The following HLCS variants were observed in gnomAD, a reference collection of about 807,000 sequenced individuals.
The protein encoded by HLCS is holocarboxylase synthetase.
HLCS carries 53 observed loss-of-function variants against 75.0 expected under a neutral mutation model. That is an observed-to-expected ratio of 0.71 (90% CI 0.57 to 0.89). The LOEUF (loss-of-function observed/expected upper bound fraction) is 0.89, where lower values mean the gene tolerates loss of function less well. Among genes scored for constraint, HLCS ranks in the 40% least tolerant of loss-of-function variants. The pLI is 0.00. For synonymous variants in HLCS, 431 were observed against 428.6 expected (o/e 1.01, Z -0.07); for missense variants, 966 against 1,074.0 (o/e 0.90, Z 1.41).
intron 5 of HLCS, among the ~76,000 whole-genome samples, chr21:36,929,120 C>T (rs1293674769): frequency 1.3e-5 from 2 of 152,218 alleles, no homozygotes; most frequent in Non-Finnish European, 2.9e-5. Flanking sequence ...AGAGAATAAC[C>T]TGGGGCAGGG....
intron 2 of HLCS, among the ~76,000 whole-genome samples, chr21:36,957,101 G>A (rs941208119): frequency 1.4e-4 from 21 of 151,236 alleles, no homozygotes; most frequent in African/African-American, 5.1e-4. Flanking sequence ...GATAGAATCT[G>A]GAAGTTTGTC....
Position 36,962,041 on chromosome 21 carries a change from C to G in HLCS, c.325G>C (p.Glu109Gln), listed in dbSNP as rs2068323661. Residue 109 changes from glutamate to glutamine, a missense_variant, in exon 2 of 11, where the codon GAA becomes CAA. By Grantham distance (29) the Glu-to-Gln change is conservative. Transcript: ENST00000674895. ...SENLQRSSSS[E>Q]TIVKWSDCCL... Reference sequence around the variant, plus strand: ...CAAGTAAACATGGTACTCACTGTTTCTGAAGAGGATGATCTCTGTAAATTC... The same window carrying G: ...CAAGTAAACATGGTACTCACTGTTTGTGAAGAGGATGATCTCTGTAAATTC... 7.8e-7 allele frequency: 1 copy of G among 1,289,050 alleles called. No homozygotes were observed. Among genetic ancestry groups the G allele is most frequent in the Non-Finnish European group, 1.0e-6 (1 of 988,668 alleles). The allele number at this position is 1,289,050 out of a possible 1,614,324, so 79.9% of individuals were successfully genotyped here.
chr21:36,959,441 G>C (rs969583024), intron 2 of HLCS, among the ~76,000 whole-genome samples: 1 of 152,180 alleles, frequency 6.6e-6, no homozygotes, highest in African/African-American at 2.4e-5. Flanking sequence ...TGGGCACCTT[G>C]GACAACATGA....
intron 6 of HLCS, among the ~76,000 whole-genome samples, chr21:36,890,935 A>C (rs1185207338): frequency 6.6e-6 from 1 of 152,202 alleles, no homozygotes; most frequent in African/African-American, 2.4e-5. Context: ...TGAAAAACTG[A>C]AAGTACATGC....
At chr21:36,893,046 A>G (rs966688792) in intron 6 of HLCS, among the ~76,000 whole-genome samples, 1 of 152,132 alleles carries the variant, frequency 6.6e-6, no homozygotes, top group Admixed American at 6.5e-5. Flanking sequence ...AAGTGCTGCA[A>G]TTACAGGCAT....
At chr21:36,890,718 C>G (rs1488125208) in intron 6 of HLCS, among the ~76,000 whole-genome samples, 1 of 152,108 alleles carries the variant, frequency 6.6e-6, no homozygotes, top group Admixed American at 6.5e-5. Context: ...ATACCACACC[C>G]TCAAAAATCT....
intron 6 of HLCS, among the ~76,000 whole-genome samples, chr21:36,841,044 T>C (rs2146094970): frequency 6.6e-6 from 1 of 152,302 alleles, no homozygotes; most frequent in South Asian, 2.1e-4. Flanking sequence ...TTATAGTATA[T>C]AAATTATACC....
chr21:36,829,830 G>A (rs1218880626), intron 6 of HLCS, among the ~76,000 whole-genome samples: 1 of 152,204 alleles, frequency 6.6e-6, no homozygotes, highest in Non-Finnish European at 1.5e-5. Context: ...AGGGAAGGAG[G>A]GGCAGGCACG....
chr21:36,960,139 C>CCA, intron 2 of HLCS, among the ~76,000 whole-genome samples: 1 of 112,280 alleles, frequency 8.9e-6, no homozygotes, highest in African/African-American at 3.4e-5. Flanking sequence ...CCACCCCCCC[C>CCA]CCCCCCGACC....
At chr21:36,855,901 A>G (rs892569705) in intron 6 of HLCS, among the ~76,000 whole-genome samples, 10 of 152,280 alleles carry the variant, frequency 6.6e-5, no homozygotes, top group African/African-American at 2.4e-4. Context: ...ATAAAAAGAG[A>G]TATGGACATG....
chr21:36,765,117 G>T lies in HLCS; in HGVS notation c.2016C>A (p.Leu672=). The change falls in exon 8 of 11, where the codon CTC becomes CTA. Residue 672 remains leucine, a synonymous_variant. Coordinates refer to ENST00000674895, the MANE Select transcript of HLCS (RefSeq NM_001352514.2). Reference sequence around the variant, plus strand: ...GCTGGGATCTCAGTGGAATGGAGATGAGCAGAGTAGAAAGAGCACATCCCA... The same window carrying T: ...GCTGGGATCTCAGTGGAATGGAGATTAGCAGAGTAGAAAGAGCACATCCCA... ...SPVGCALSTL[L]ISIPLRSQLG... 1.2e-6 allele frequency: 2 copies of T among 1,614,110 alleles called. No homozygotes were observed. The highest frequency in any genetic ancestry group is 1.7e-6 in the Non-Finnish European group (2 of 1,179,936).
intron 8 of HLCS, among the ~76,000 whole-genome samples, chr21:36,761,959 G>C (rs948740622): frequency 6.6e-6 from 1 of 152,238 alleles, no homozygotes; most frequent in African/African-American, 2.4e-5. Flanking sequence ...CATGGCTTCA[G>C]ATCTCCTCGG....
intron 4 of HLCS, 56 bp from the exon 5 acceptor site, chr21:36,930,489 A>T (rs2066591682): frequency 7.2e-7 from 1 of 1,391,242 alleles, no homozygotes; most frequent in East Asian, 2.3e-5. Flanking sequence ...CAATGAGAAA[A>T]ACAGTTTCTT....
intron 4 of HLCS, among the ~76,000 whole-genome samples, chr21:36,932,014 A>T (rs1007991201): frequency 3.5e-4 from 53 of 152,172 alleles, no homozygotes; most frequent in African/African-American, 1.2e-3. Flanking sequence ...AGCAAGTGTG[A>T]GTACGGGTGT....
At chr21:36,875,414 G>A (rs1001518949) in intron 6 of HLCS, among the ~76,000 whole-genome samples, 4 of 152,172 alleles carry the variant, frequency 2.6e-5, no homozygotes, top group South Asian at 2.1e-4. Flanking sequence ...AAAAACCCCA[G>A]ATTCAGCCAC....
In HLCS at chr21:36,896,859, C is replaced by T; in HGVS notation, c.1892+1G>A. On this transcript the variant is annotated splice_donor_variant, in intron 6 of 10. Coordinates refer to ENST00000674895, the MANE Select transcript of HLCS (RefSeq NM_001352514.2). LOFTEE classifies it high-confidence loss of function. ...CAGATGCAGACCTGCTCACACCTTACCCATCCAGGAGACGCATCGTTGTGG... is the reference window on the plus strand; with the variant it reads ...CAGATGCAGACCTGCTCACACCTTATCCATCCAGGAGACGCATCGTTGTGG... 6.2e-7 allele frequency: 1 copy of T among 1,613,960 alleles called. No individual in the cohort carries two copies. Among genetic ancestry groups the T allele is most frequent in the Non-Finnish European group, 8.5e-7 (1 of 1,179,876 alleles).
intron 5 of HLCS, among the ~76,000 whole-genome samples, chr21:36,899,141 A>G (rs567774001): frequency 5.6e-4 from 85 of 152,160 alleles, no homozygotes; most frequent in Non-Finnish European, 1.1e-3. Flanking sequence ...AATCTGTAAA[A>G]TTTACCCCCA....
intron 6 of HLCS, among the ~76,000 whole-genome samples, chr21:36,880,861 G>T (rs2064179022): frequency 6.6e-6 from 1 of 152,066 alleles, no homozygotes; most frequent in South Asian, 2.1e-4. Context: ...GGAGCCGAGG[G>T]GCATTTTCCA....
At chr21:36,911,948 G>A (rs2065733709) in intron 5 of HLCS, among the ~76,000 whole-genome samples, 1 of 151,552 alleles carries the variant, frequency 6.6e-6, no homozygotes, top group Non-Finnish European at 1.5e-5. Context: ...GTGAGCACCT[G>A]TAATCTCAGC....
Sources: gnomAD v4.1 joint callset for allele counts (sites outside exome capture counted in the v4.1 genomes callset) on GRCh38, gnomAD v4.1.1 for gene constraint, MANE v1.5 for transcripts, NCBI Gene and HGNC (gene_info 2026-07-23, HGNC 2026-07-21) for gene names.